Variants in CENPP observed in about 807,000 individuals in gnomAD.
CENPP encodes the protein centromere protein P.
CENPP carries 24 observed loss-of-function variants against 35.6 expected under a neutral mutation model. The ratio of observed to expected loss-of-function variants is 0.67; its 90% CI spans 0.49 to 0.95. The LOEUF is 0.95. CENPP is among the 40% of genes least tolerant of loss of function. CENPP has a pLI of 0.00. For missense variants in CENPP, 332 were observed against 345.3 expected (o/e 0.96, Z 0.31); for synonymous variants, 120 against 125.5 (o/e 0.96, Z 0.29).
At chr9:92,580,813 C>G (rs1289762113) in intron 5 of CENPP, among the ~76,000 whole-genome samples, 6 of 152,252 alleles carry the variant, frequency 3.9e-5, no homozygotes, top group African/African-American at 1.4e-4. Flanking sequence ...CAGTTCTGCT[C>G]TGATTTTAGT....
At chr9:92,358,124 G>A (rs1024760899) in intron 4 of CENPP, among the ~76,000 whole-genome samples, 1 of 148,430 alleles carries the variant, frequency 6.7e-6, no homozygotes, top group Non-Finnish European at 1.5e-5. Context: ...AATTTGGGAT[G>A]TTTTAACACT....
rs146411909 is a variant in CENPP, at chr9:92,478,108, A to AT, written c.564+98259dup. Reference sequence around the variant, plus strand: ...GGGATAATGGGATTATAAGCAAAGCATTTTTTTTTTCTTCCCATGCATAGT... The same window carrying AT: ...GGGATAATGGGATTATAAGCAAAGCATTTTTTTTTTTCTTCCCATGCATAGT... On this transcript the variant is annotated intron_variant, in intron 5 of 7. Coordinates refer to ENST00000375587, the MANE Select transcript of CENPP (RefSeq NM_001012267.3). 1.6e-3 allele frequency among the ~76,000 whole-genome samples: 242 copies of AT among 150,672 alleles called. 2 individuals are homozygous for AT. Among genetic ancestry groups the AT allele is most frequent in the East Asian group, 0.01 (53 of 5,154 alleles).
At chr9:92,376,692 A>G (rs1201288339) in intron 4 of CENPP, among the ~76,000 whole-genome samples, 9 of 152,190 alleles carry the variant, frequency 5.9e-5, no homozygotes, top group African/African-American at 2.2e-4. Flanking sequence ...TGGGTTCTCT[A>G]CTGGGCCAGC....
intron 5 of CENPP, among the ~76,000 whole-genome samples, chr9:92,434,648 A>G (rs1258124185): frequency 1.3e-5 from 2 of 152,200 alleles, no homozygotes; most frequent in Admixed American, 6.6e-5. Flanking sequence ...AAATATTGGG[A>G]GAAAATCTCA....
intron 4 of CENPP, among the ~76,000 whole-genome samples, chr9:92,374,507 G>A (rs1324821048): frequency 1.3e-5 from 2 of 152,062 alleles, no homozygotes; most frequent in African/African-American, 2.4e-5. Flanking sequence ...GAGAATTACA[G>A]GTAATATCTT....
intron 2 of CENPP, among the ~76,000 whole-genome samples, chr9:92,333,789 G>A (rs556396865): frequency 2.0e-5 from 3 of 150,504 alleles, no homozygotes; most frequent in Non-Finnish European, 4.4e-5. Flanking sequence ...GTGCAGTGGC[G>A]TAATCAAAGA....
At chr9:92,605,567 A>G (rs972091672) in intron 5 of CENPP, among the ~76,000 whole-genome samples, 4 of 152,174 alleles carry the variant, frequency 2.6e-5, no homozygotes, top group African/African-American at 9.7e-5. Context: ...CTTTTCAACA[A>G]TTGGTTCTCA....
chr9:92,619,741 C>T lies in CENPP; in HGVS notation c.*6592C>T. 1.6e-6 allele frequency: 1 copy of T among 627,438 alleles called. No individual in the cohort carries two copies. The highest frequency in any genetic ancestry group is 2.9e-6 in the Non-Finnish European group (1 of 346,450). 38.9% of individuals were successfully genotyped at this position (627,438 alleles called of 1,614,324 possible). Reference sequence around the variant, plus strand: ...GTCAGGAGGTCGCCCTGTGAGAGCACCTGGGCCAGCCCTCAGTGCCACGGG... The same window carrying T: ...GTCAGGAGGTCGCCCTGTGAGAGCATCTGGGCCAGCCCTCAGTGCCACGGG... On this transcript the variant is annotated 3_prime_UTR_variant, in exon 8 of 8. Transcript: ENST00000375587.
intron 3 of CENPP, among the ~76,000 whole-genome samples, chr9:92,343,835 C>T (rs868590954): frequency 2.6e-5 from 4 of 151,732 alleles, no homozygotes; most frequent in African/African-American, 9.7e-5. Flanking sequence ...TGGTTACTTA[C>T]ATATATAGTC....
chr9:92,502,674 A>G, intron 5 of CENPP: 1 of 1,516,882 alleles, frequency 6.6e-7, no homozygotes, highest in Non-Finnish European at 9.0e-7. Context: ...AGAGAAGACT[A>G]TTATTTTTCT....
intron 5 of CENPP, among the ~76,000 whole-genome samples, chr9:92,416,024 T>A (rs1843586734): frequency 7.2e-6 from 1 of 139,322 alleles, no homozygotes; most frequent in Admixed American, 7.7e-5. Context: ...GAATATATAT[T>A]TTTTATATAT....
At position 92,579,158 on chromosome 9, in the gene CENPP, A is replaced by T. The variant is rs1016106331; in HGVS notation, c.565-32156A>T. Reference sequence around the variant, plus strand: ...GGGCTCTGTTCTGTTCCATTGATCTATATCTCTGTTTTGGTACCAGTACCA... The same window carrying T: ...GGGCTCTGTTCTGTTCCATTGATCTTTATCTCTGTTTTGGTACCAGTACCA... On this transcript the variant is annotated intron_variant, in intron 5 of 7. Transcript: ENST00000375587. Among the ~76,000 whole-genome samples, 14 of 148,606 alleles carry T rather than the reference A, an allele frequency of 9.4e-5. No individual in the cohort carries two copies. In the East Asian group the frequency reaches 1.8e-3, roughly 19 times the overall value.
chr9:92,529,158 AAG>A (rs1211189101), intron 5 of CENPP, among the ~76,000 whole-genome samples: 4 of 152,244 alleles, frequency 2.6e-5, no homozygotes, highest in Admixed American at 6.5e-5. Flanking sequence ...AAACTGCAAA[AAG>A]AAATAGACAA....
intron 4 of CENPP, among the ~76,000 whole-genome samples, chr9:92,354,418 G>A (rs932725340): frequency 6.6e-6 from 1 of 152,144 alleles, no homozygotes; most frequent in Non-Finnish European, 1.5e-5. Flanking sequence ...CTCCATCCCT[G>A]CCACCATGGC....
intron 5 of CENPP, among the ~76,000 whole-genome samples, chr9:92,426,141 G>T (rs1588122504): frequency 6.6e-6 from 1 of 152,260 alleles, no homozygotes; most frequent in South Asian, 2.1e-4. Flanking sequence ...GGGATGGGGG[G>T]AGGTGGTGGT....
intron 5 of CENPP, among the ~76,000 whole-genome samples, chr9:92,461,088 T>A (rs960752778): frequency 6.7e-6 from 1 of 149,356 alleles, no homozygotes; most frequent in South Asian, 2.1e-4. Flanking sequence ...ATCTCCATTT[T>A]TCCTATCTTG....
intron 5 of CENPP, among the ~76,000 whole-genome samples, chr9:92,602,044 A>T (rs777612239): frequency 5.9e-5 from 9 of 152,210 alleles, no homozygotes; most frequent in Non-Finnish European, 1.3e-4. Context: ...GGGAAGTACA[A>T]AATGAGCCTA....
rs75804603 is a variant in CENPP, at chr9:92,331,938, A to C, written c.108-232A>C. On this transcript the variant is annotated intron_variant, in intron 1 of 7. Coordinates refer to ENST00000375587, the MANE Select transcript of CENPP (RefSeq NM_001012267.3). The stretch of plus-strand genomic sequence containing the variant: ...ACTCCAGGCTGGGTGACAGCGTAAG[A>C]CCCTCATCTCTTAAAAAGGAAGAAA... Among the ~76,000 whole-genome samples the C allele has an allele frequency of 5.0e-3, 763 of 152,162 alleles. 5 individuals carry two copies. Among genetic ancestry groups the C allele is most frequent in the African/African-American group, 0.016 (667 of 41,516 alleles).
chr9:92,563,960 G>A (rs771232326), intron 5 of CENPP, among the ~76,000 whole-genome samples: 5 of 152,126 alleles, frequency 3.3e-5, no homozygotes, highest in Non-Finnish European at 5.9e-5. Context: ...TGGTGAGGGG[G>A]GAATTATTTC....
Sources: gnomAD v4.1 joint callset for allele counts (sites outside exome capture counted in the v4.1 genomes callset) on GRCh38, gnomAD v4.1.1 for gene constraint, MANE v1.5 for transcripts, NCBI Gene and HGNC (gene_info 2026-07-23, HGNC 2026-07-21) for gene names.